The following IL19 variants were observed in gnomAD, a reference collection of about 807,000 sequenced individuals.
The protein encoded by IL19 is interleukin 19, also known as interleukin-19.
IL19 carries 15 observed loss-of-function variants against 19.5 expected under a neutral mutation model. The observed-to-expected ratio is 0.77, with a 90% CI of 0.52 to 1.19. The LOEUF (loss-of-function observed/expected upper bound fraction) is 1.19. Ranked by LOEUF, IL19 falls within the 50% of genes most tolerant of loss-of-function variation. The pLI, the probability that IL19 is intolerant of heterozygous loss-of-function variation, is 0.00. For synonymous variants in IL19, 78 were observed against 78.3 expected (o/e 1.00, Z 0.02); for missense variants, 199 against 213.1 (o/e 0.93, Z 0.41).
At chr1:206,823,039 C>T (rs142860569) in intron 2 of IL19, among the ~76,000 whole-genome samples, 6,995 of 151,984 alleles carry the variant, frequency 0.046, 261 homozygotes, top group Middle Eastern at 0.11. Flanking sequence ...CAGTGATTTT[C>T]CTGTCTCAGC....
intron 2 of IL19, among the ~76,000 whole-genome samples, chr1:206,806,818 A>G (rs918877334): frequency 2.0e-5 from 3 of 152,060 alleles, no homozygotes; most frequent in Admixed American, 6.5e-5. Flanking sequence ...TGTCTCTTCC[A>G]CTCTCAACCC....
chr1:206,803,455 C>T (rs1462448712), intron 2 of IL19, among the ~76,000 whole-genome samples: 1 of 152,140 alleles, frequency 6.6e-6, no homozygotes, highest in East Asian at 1.9e-4. Flanking sequence ...TGAGTCAAAG[C>T]TTGTATCTTT....
intron 1 of IL19, among the ~76,000 whole-genome samples, chr1:206,791,301 GTTTTTTT>G (rs11297961): frequency 7.6e-6 from 1 of 131,742 alleles, no homozygotes; most frequent in Non-Finnish European, 1.6e-5. Flanking sequence ...AGGTCCTTAG[GTTTTTTT>G]TTTTTTTTTT....
intron 2 of IL19, among the ~76,000 whole-genome samples, chr1:206,824,831 C>T (rs1014425674): frequency 9.9e-5 from 15 of 152,178 alleles, no homozygotes; most frequent in African/African-American, 1.9e-4. Flanking sequence ...GGCACGATCT[C>T]GGCTCACTGC....
At chr1:206,833,194 G>A (rs138915796) in intron 2 of IL19, among the ~76,000 whole-genome samples, 1 of 152,350 alleles carries the variant, frequency 6.6e-6, no homozygotes, top group African/African-American at 2.4e-5. Context: ...AAAATAGAAT[G>A]AGTGGTCCCA....
intron 2 of IL19, among the ~76,000 whole-genome samples, chr1:206,824,420 G>GT (rs953713791): frequency 1.3e-5 from 2 of 152,176 alleles, no homozygotes; most frequent in Admixed American, 6.5e-5. Context: ...AATGAGAAGA[G>GT]TATTGGTGGA....
chr1:206,774,507 C>A (rs546502999), intron 1 of IL19, among the ~76,000 whole-genome samples: 1 of 152,304 alleles, frequency 6.6e-6, no homozygotes, highest in South Asian at 2.1e-4. Flanking sequence ...CCTCTCTGAG[C>A]TGGGTGTTCC....
chr1:206,830,204 A>G (rs1054962451), intron 2 of IL19, among the ~76,000 whole-genome samples: 1 of 152,260 alleles, frequency 6.6e-6, no homozygotes, highest in Admixed American at 6.5e-5. Context: ...TTGCGGTGCC[A>G]TGGAGGGCTG....
intron 1 of IL19, among the ~76,000 whole-genome samples, chr1:206,781,610 T>A (rs1398104365): frequency 6.6e-6 from 1 of 151,334 alleles, no homozygotes; most frequent in East Asian, 1.9e-4. Flanking sequence ...CACATGAAGA[T>A]GCAGTTGCTT....
chr1:206,835,307 C>T (rs1249178511), intron 2 of IL19, among the ~76,000 whole-genome samples: 2 of 152,214 alleles, frequency 1.3e-5, no homozygotes, highest in Admixed American at 6.5e-5. Flanking sequence ...CAATGGGGCC[C>T]ATCCTTGTTT....
chr1:206,804,532 G>A lies in IL19; in HGVS notation c.-3+5526G>A, dbSNP rs577039748. On this transcript the variant is annotated intron_variant, in intron 2 of 6. Transcript: ENST00000659997. ...TTAGGGTGTATAAAGTGTGCATTGT[G>A]TGAGTCATAGGCTGTGTCTTTAAGC... 1.1e-4 allele frequency among the ~76,000 whole-genome samples: 16 copies of A among 152,324 alleles called. No individual in the cohort carries two copies. In the South Asian group the frequency reaches 3.3e-3, roughly 32 times the overall value.
chr1:206,791,003 G>A (rs749599668), intron 1 of IL19, among the ~76,000 whole-genome samples: 15 of 152,204 alleles, frequency 9.9e-5, no homozygotes, highest in Non-Finnish European at 2.1e-4. Flanking sequence ...TGGTGCCTGT[G>A]TGTGTAAGGC....
intron 5 of IL19, among the ~76,000 whole-genome samples, chr1:206,840,786 G>A (rs1221596349): frequency 6.6e-6 from 1 of 152,202 alleles, no homozygotes; most frequent in Non-Finnish European, 1.5e-5. Context: ...CTGACAGTCT[G>A]ATGTGTTCTA....
chr1:206,827,551 G>A (rs568602062), intron 2 of IL19, among the ~76,000 whole-genome samples: 2 of 152,010 alleles, frequency 1.3e-5, no homozygotes, highest in African/African-American at 2.4e-5. Context: ...TTAGCCAGGC[G>A]AGGTGGTGGG....
intron 2 of IL19, among the ~76,000 whole-genome samples, chr1:206,832,393 G>T (rs992923285): frequency 6.6e-6 from 1 of 152,158 alleles, no homozygotes; most frequent in African/African-American, 2.4e-5. Flanking sequence ...ATTTCATCCA[G>T]ACTCTGCAAT....
chr1:206,823,030 A>G (rs904424494), intron 2 of IL19, among the ~76,000 whole-genome samples: 2 of 151,486 alleles, frequency 1.3e-5, no homozygotes, highest in Non-Finnish European at 2.9e-5. Context: ...CCTAGGTTCC[A>G]GTGATTTTCC....
At chr1:206,829,968 AG>A (rs1416783316) in intron 2 of IL19, among the ~76,000 whole-genome samples, 2 of 152,224 alleles carry the variant, frequency 1.3e-5, no homozygotes. Context: ...AGGTGTGGCC[AG>A]TTTGGATTTC....
Position 206,842,698 on chromosome 1 carries a change from A to T in IL19, c.*76A>T, listed in dbSNP as rs1677059145. On this transcript the variant is annotated 3_prime_UTR_variant, in exon 7 of 7. Coordinates refer to ENST00000659997, the MANE Select transcript of IL19 (RefSeq NM_153758.5). ...TACTGTGGGAGACAGCCCACCTTGA[A>T]GGGGAAGGAGATGGGGAAGGCCCCT... The T allele has an allele frequency of 2.3e-6, 2 of 867,788 alleles. No homozygotes were observed. Among genetic ancestry groups the T allele is most frequent in the East Asian group, 5.4e-5 (2 of 36,938 alleles). The allele number at this position is 867,788 out of a possible 1,614,324, so 53.8% of individuals were successfully genotyped here.
chr1:206,782,058 C>CAT (rs1239897523), intron 1 of IL19, among the ~76,000 whole-genome samples: 3,423 of 62,154 alleles, frequency 0.055, 270 homozygotes, highest in Non-Finnish European at 0.085. Flanking sequence ...GTTATATATA[C>CAT]ATATATGTGT....
Sources: gnomAD v4.1 joint callset for allele counts (sites outside exome capture counted in the v4.1 genomes callset) on GRCh38, gnomAD v4.1.1 for gene constraint, MANE v1.5 for transcripts, NCBI Gene and HGNC (gene_info 2026-07-23, HGNC 2026-07-21) for gene names.